The following GPATCH2L variants were observed in gnomAD, a reference collection of about 807,000 sequenced individuals.
The protein encoded by GPATCH2L is G patch domain-containing protein 2-like.
In GPATCH2L, 31 loss-of-function variants were observed where a neutral mutation model predicts 57.4. The ratio of observed to expected loss-of-function variants is 0.54; its 90% CI spans 0.41 to 0.73. The LOEUF is 0.73. GPATCH2L is among the 30% of genes least tolerant of loss of function. The pLI is 0.00. For missense variants in GPATCH2L, 481 were observed against 599.9 expected (o/e 0.80, Z 2.07); for synonymous variants, 199 against 210.7 (o/e 0.94, Z 0.48).
intron 2 of GPATCH2L, among the ~76,000 whole-genome samples, chr14:76,232,008 C>T (rs969391875): frequency 1.1e-4 from 17 of 152,134 alleles, no homozygotes; most frequent in African/African-American, 3.9e-4. Flanking sequence ...TCACTGCAGG[C>T]TCAAGCAATC....
chr14:76,173,669 T>TC, intron 5 of GPATCH2L, 44 bp downstream of exon 5: 2 of 1,168,472 alleles, frequency 1.7e-6, no homozygotes, highest in South Asian at 1.2e-5. Context: ...GGAGATAATA[T>TC]TCCCTATGGG....
In GPATCH2L at chr14:76,202,388, C is replaced by T. The variant is rs2139828881; in HGVS notation, c.*537C>T. ...ATAAATCAACCAAGTTTTGGGGCCT[C>T]AAAAGAGACACCAGCAACTGGGCCT... On this transcript the variant is annotated 3_prime_UTR_variant, in exon 10 of 10. Transcript: ENST00000261530. 1 of 152,738 alleles carries T rather than the reference C, an allele frequency of 6.5e-6. No individual in the cohort carries two copies. Among genetic ancestry groups the T allele is most frequent in the East Asian group, 1.9e-4 (1 of 5,182 alleles). 9.5% of individuals were successfully genotyped at this position (152,738 alleles called of 1,614,324 possible).
intron 1 of GPATCH2L, among the ~76,000 whole-genome samples, chr14:76,226,440 A>T (rs1196549527): frequency 2.0e-5 from 3 of 152,184 alleles, no homozygotes; most frequent in African/African-American, 2.4e-5. Context: ...CTTGCTGTAG[A>T]TGTGAGTAGT....
intron 8 of GPATCH2L, among the ~76,000 whole-genome samples, chr14:76,194,508 C>T (rs535055591): frequency 8.7e-4 from 49 of 56,630 alleles, no homozygotes; most frequent in South Asian, 2.4e-3. Flanking sequence ...TGTGTGTGCA[C>T]GCTCATGCTT....
chr14:76,162,875 A>G (rs1397525011), intron 2 of GPATCH2L, among the ~76,000 whole-genome samples: 4 of 152,220 alleles, frequency 2.6e-5, no homozygotes, highest in Non-Finnish European at 5.9e-5. Flanking sequence ...TTCAGCATAT[A>G]TGATATATTA....
At chr14:76,200,500 AAG>A (rs927794659) in intron 9 of GPATCH2L, among the ~76,000 whole-genome samples, 1 of 152,094 alleles carries the variant, frequency 6.6e-6, no homozygotes, top group Non-Finnish European at 1.5e-5. Context: ...GAGAGAGAAA[AAG>A]AGAGAGATTT....
Position 76,176,645 on chromosome 14 carries a change from G to A in GPATCH2L, c.1007G>A (p.Gly336Glu). 6.2e-7 allele frequency: 1 copy of A among 1,610,762 alleles called. No individual in the cohort carries two copies. Among genetic ancestry groups the A allele is most frequent in the Non-Finnish European group, 8.5e-7 (1 of 1,176,978 alleles). ...VGKETSINTL[G>E]TERISHIISD... ...TAGGAGACCAGCATAAACACTTTGG[G>A]GACTGAGAGGATAAGCCATATCATT... Residue 336 changes from glycine to glutamate, a missense_variant, in exon 6 of 10, where the codon GGG becomes GAG. By Grantham distance (98) the Gly-to-Glu change is moderately conservative. Coordinates refer to ENST00000261530, the MANE Select transcript of GPATCH2L (RefSeq NM_017926.4).
At chr14:76,192,328 T>C (rs1566808579) in intron 8 of GPATCH2L, among the ~76,000 whole-genome samples, 1 of 152,110 alleles carries the variant, frequency 6.6e-6, no homozygotes, top group Non-Finnish European at 1.5e-5. Flanking sequence ...TGTCCTGTTA[T>C]AACAGTTTGA....
At chr14:76,171,278 A>T (rs546191584) in intron 3 of GPATCH2L, among the ~76,000 whole-genome samples, 36 of 100,978 alleles carry the variant, frequency 3.6e-4, no homozygotes, top group African/African-American at 1.4e-3. Flanking sequence ...ACAGAGAATT[A>T]AAAAAAAAAA....
intron 2 of GPATCH2L, among the ~76,000 whole-genome samples, chr14:76,157,819 T>C (rs2038382028): frequency 6.6e-6 from 1 of 152,218 alleles, no homozygotes; most frequent in Admixed American, 6.5e-5. Context: ...TTTCTGTTTC[T>C]GGTCTTCCTT....
intron 1 of GPATCH2L, among the ~76,000 whole-genome samples, chr14:76,225,093 A>G (rs2040531361): frequency 6.6e-6 from 1 of 152,200 alleles, no homozygotes; most frequent in African/African-American, 2.4e-5. Context: ...AGTCAAAATC[A>G]CAGCAGATTT....
rs2097787392 is a variant in GPATCH2L, at chr14:76,176,623, G to A, written c.985G>A (p.Glu329Lys). Residue 329 changes from glutamate (E) to lysine (K), a missense_variant and splice_region_variant, in exon 6 of 10, where the codon GAG (glutamate) becomes AAG (lysine). Physicochemically the swap from Glu to Lys is moderately conservative, Grantham distance 56. This residue lies in a region of GPATCH2L where 248 missense variants were observed against 270.5 expected (regional missense o/e 0.92). Transcript: ENST00000261530. ...ACTCTTGTCTGCCTTTTCTTTTTAGGAGACCAGCATAAACACTTTGGGGAC... is the reference window on the plus strand; with the variant it reads ...ACTCTTGTCTGCCTTTTCTTTTTAGAAGACCAGCATAAACACTTTGGGGAC... ...RKGRRRLVGK[E>K]TSINTLGTER... 6.2e-7 allele frequency: 1 copy of A among 1,603,016 alleles called. No individual in the cohort carries two copies. Among genetic ancestry groups the A allele is most frequent in the Admixed American group, 1.7e-5 (1 of 59,990 alleles).
intron 8 of GPATCH2L, among the ~76,000 whole-genome samples, chr14:76,194,550 G>A (rs2040087780): frequency 6.6e-6 from 1 of 150,926 alleles, no homozygotes; most frequent in African/African-American, 2.5e-5. Context: ...CTTTTCAACT[G>A]TGCAAGTTAT....
chr14:76,196,030 T>A, intron 9 of GPATCH2L, 58 bp downstream of exon 9: 1 of 1,230,342 alleles, frequency 8.1e-7, no homozygotes, highest in Non-Finnish European at 1.2e-6. Context: ...CACTAAATTA[T>A]GTGTTTTGTA....
chr14:76,219,551 A>G (rs1307783383), intron 1 of GPATCH2L, among the ~76,000 whole-genome samples: 1 of 152,182 alleles, frequency 6.6e-6, no homozygotes, highest in African/African-American at 2.4e-5. Context: ...TGTCCTACAG[A>G]TACAATTGTA....
intron 2 of GPATCH2L, among the ~76,000 whole-genome samples, chr14:76,163,744 A>G (rs1196317029): frequency 6.6e-6 from 1 of 152,162 alleles, no homozygotes; most frequent in African/African-American, 2.4e-5. Context: ...ATCCATCCAC[A>G]TTTTACATGT....
chr14:76,205,983 G>A lies in GPATCH2L; in HGVS notation c.*4132G>A, dbSNP rs2040371362. 1 of 152,698 alleles carries A rather than the reference G, an allele frequency of 6.5e-6. No homozygotes were observed. The highest frequency in any genetic ancestry group is 6.5e-5 in the Admixed American group (1 of 15,284). The allele number at this position is 152,698 out of a possible 1,614,324, so 9.5% of individuals were successfully genotyped here. A position where few individuals can be genotyped will look rare whatever the true frequency, so the allele number is the denominator to read the frequency against. On this transcript the variant is annotated 3_prime_UTR_variant, in exon 10 of 10. Transcript: ENST00000261530. ...ACCTATCTGAGCTGGGCTGAGAGCA[G>A]AGTGGCTTACTGTAGCAGCTGTGGA...
chr14:76,181,449 C>T (rs1193146541), intron 8 of GPATCH2L, among the ~76,000 whole-genome samples: 2 of 152,166 alleles, frequency 1.3e-5, no homozygotes, highest in African/African-American at 4.8e-5. Context: ...TGTTTGTTTC[C>T]TTTATGGCTC....
chr14:76,197,883 CCT>C (rs918507210), intron 9 of GPATCH2L, among the ~76,000 whole-genome samples: 12 of 152,178 alleles, frequency 7.9e-5, no homozygotes, highest in African/African-American at 2.9e-4. Context: ...AACACTCTCC[CCT>C]GTCACTGTGA....
Sources: gnomAD v4.1 joint callset for allele counts (sites outside exome capture counted in the v4.1 genomes callset) on GRCh38, gnomAD v4.1.1 for gene constraint, gnomAD v4.1.1 regional missense constraint, MANE v1.5 for transcripts, NCBI Gene and HGNC (gene_info 2026-07-23, HGNC 2026-07-21) for gene names.